ACIN1: variants seen among roughly 807,000 people sequenced by gnomAD.
The protein encoded by ACIN1 is apoptotic chromatin condensation inducer 1, also known as apoptotic chromatin condensation inducer in the nucleus.
A neutral mutation model predicts 146.6 loss-of-function variants in ACIN1; 16 were observed. The ratio of observed to expected loss-of-function variants is 0.11; its 90% CI spans 0.07 to 0.17. ACIN1 has a LOEUF of 0.17. ACIN1 is among the 10% of genes least tolerant of loss of function. ACIN1 has a pLI of 1.00. For missense variants in ACIN1, 1,357 were observed against 1,609.3 expected, an observed-to-expected ratio of 0.84 and a Z score of 2.68; for synonymous variants, 569 against 582.7, an observed-to-expected ratio of 0.98 and a Z score of 0.34.
chr14:23,071,700 G>T, intron 8 of ACIN1: 1 of 782,276 alleles, frequency 1.3e-6, no homozygotes, highest in Non-Finnish European at 1.9e-6. Context: ...TGGCTCCAGA[G>T]GCCTGGCCTT....
chr14:23,060,790 C>T (rs151041501), intron 18 of ACIN1, among the ~76,000 whole-genome samples: 3 of 152,336 alleles, frequency 2.0e-5, no homozygotes, highest in African/African-American at 7.2e-5. Context: ...GCATTAGAGG[C>T]GTGAGCCACC....
At position 23,079,626 on chromosome 14, in the gene ACIN1, T is replaced by C. The variant is rs1358945505; in HGVS notation, c.1709A>G (p.Lys570Arg). Residue 570 changes from lysine to arginine, a missense_variant, in exon 6 of 19, where the codon AAG (lysine) becomes AGG (arginine). By Grantham distance (26) the Lys-to-Arg change is conservative (BLOSUM62 2). This residue lies in a region of ACIN1 where 771 missense variants were observed against 746.6 expected (regional missense o/e 1.03). Coordinates refer to ENST00000605057, the MANE Select transcript of ACIN1 (RefSeq NM_001386863.1). ...CTCTGATGTTGATCTGGAGCCCATC[T>C]TGGGTCTACCACGAGGGTTGGCATG... ...RTHANPRGRP[K>R]MGSRSTSESR... is the part of the protein sequence containing the mutation. 4 of 1,614,046 alleles carry C rather than the reference T, an allele frequency of 2.5e-6. No homozygotes were observed. Among genetic ancestry groups the C allele is most frequent in the Non-Finnish European group, 3.4e-6 (4 of 1,180,028 alleles).
intron 8 of ACIN1, chr14:23,071,442 C>T (rs567120228): frequency 2.9e-5 from 45 of 1,551,642 alleles, no homozygotes; most frequent in Non-Finnish European, 3.7e-5. Flanking sequence ...ACCCCGAGTT[C>T]GGCTGGATTG....
chr14:23,094,377 C>A (rs2048311518), intron 1 of ACIN1: 1 of 658,088 alleles, frequency 1.5e-6, no homozygotes, highest in Admixed American at 6.3e-5. Flanking sequence ...ACCTGCCTCG[C>A]CTCTCTCACC....
In ACIN1 at chr14:23,067,405, C is replaced by CCG; in HGVS notation, c.2266-1398_2266-1397insCG. ...CAGAATGAGCCCTCCCTGCTAGGCG[C>CCG]TGTGCAATTGGTGGGGGGTTGGGTT... On this transcript the variant is annotated intron_variant, in intron 9 of 18. Transcript: ENST00000605057. The surrounding 1 kb of genome is among the most constrained non-coding windows in gnomAD (Gnocchi z 4.6). 1.0e-6 allele frequency: 1 copy of CCG among 983,936 alleles called. No homozygotes were observed. 61.0% of individuals were successfully genotyped at this position (983,936 alleles called of 1,614,324 possible). A position where few individuals can be genotyped will look rare whatever the true frequency, so the allele number is the denominator to read the frequency against.
At chr14:23,082,376 C>CAACTG (rs1193876986) in intron 4 of ACIN1, among the ~76,000 whole-genome samples, 1 of 151,526 alleles carries the variant, frequency 6.6e-6, no homozygotes, top group Non-Finnish European at 1.5e-5. Context: ...TACTTCAAGC[C>CAACTG]AACTGGATGG....
chr14:23,081,962 G>A lies in ACIN1; in HGVS notation c.437-126C>T, dbSNP rs112967211. 188 of 669,266 alleles carry A rather than the reference G, an allele frequency of 2.8e-4. 3 individuals carry two copies. The highest frequency in any genetic ancestry group is 1.9e-3 in the African/African-American group (106 of 54,706). The allele number at this position is 669,266 out of a possible 1,614,324, so 41.5% of individuals were successfully genotyped here. A position where few individuals can be genotyped will look rare whatever the true frequency, so the allele number is the denominator to read the frequency against. On this transcript the variant is annotated intron_variant, in intron 4 of 18. Coordinates refer to ENST00000605057, the MANE Select transcript of ACIN1 (RefSeq NM_001386863.1). ...GAGCCTATCAAGACATATCTGTATC[G>A]GTTTCTTTGACTTCTACACTAAAGA...
At chr14:23,088,701 T>C (rs967060449) in intron 4 of ACIN1, among the ~76,000 whole-genome samples, 2 of 152,264 alleles carry the variant, frequency 1.3e-5, no homozygotes, top group Admixed American at 6.5e-5. Flanking sequence ...TGGTTTAACA[T>C]ATGTACTAAC....
At chr14:23,064,573 C>G in intron 10 of ACIN1, 85 bp from the exon 11 acceptor site, 2 of 1,530,182 alleles carry the variant, frequency 1.3e-6, no homozygotes, top group South Asian at 2.4e-5. Context: ...TTACCTCTGG[C>G]TGGAGTTTTG....
At position 23,093,499 on chromosome 14, in the gene ACIN1, C is replaced by A; in HGVS notation, c.184G>T (p.Ala62Ser). ...CTCACCTGGGAATTTGGCTGGAATGCAGCATGGGGTGTTGAGTGTTTCTGT... is the reference window on the plus strand; with the variant it reads ...CTCACCTGGGAATTTGGCTGGAATGAAGCATGGGGTGTTGAGTGTTTCTGT... Reference protein sequence around the residue: ...NLQKHSTPHAAFQPNSQIGEE... With the variant: ...NLQKHSTPHASFQPNSQIGEE... Residue 62 changes from alanine (A) to serine (S), a missense_variant, in exon 2 of 19, where the codon GCA becomes TCA. This residue lies in a region of ACIN1 where 55 missense variants were observed against 123.9 expected (regional missense o/e 0.44). Coordinates refer to ENST00000605057, the MANE Select transcript of ACIN1 (RefSeq NM_001386863.1). 6.2e-7 allele frequency: 1 copy of A among 1,613,970 alleles called. No individual in the cohort carries two copies. The highest frequency in any genetic ancestry group is 8.5e-7 in the Non-Finnish European group (1 of 1,179,950).
upstream of ACIN1, chr14:23,095,243 C>G (rs374971157): frequency 6.8e-6 from 11 of 1,608,838 alleles, no homozygotes; most frequent in Non-Finnish European, 9.4e-6. Context: ...ACTCAGAACT[C>G]CCCGGGTTCC....
chr14:23,071,306 G>A, intron 8 of ACIN1: 3 of 1,506,298 alleles, frequency 2.0e-6, no homozygotes, highest in Non-Finnish European at 2.7e-6. Flanking sequence ...CCGATCCAGA[G>A]AGAGAAAATT....
At chr14:23,090,741 A>G (rs79721426) in intron 2 of ACIN1, 108 bp from the exon 3 acceptor site, 40,053 of 757,140 alleles carry the variant, frequency 0.053, 1,254 homozygotes, top group East Asian at 0.11. Context: ...CGCCCAAGAA[A>G]GATAACTAAA....
chr14:23,081,691 G>C, intron 5 of ACIN1, 57 bp downstream of exon 5: 1 of 1,419,578 alleles, frequency 7.0e-7, no homozygotes, highest in Non-Finnish European at 9.7e-7. Context: ...GTCTGAAGAA[G>C]AGAAGATATC....
intron 9 of ACIN1, among the ~76,000 whole-genome samples, chr14:23,066,774 C>T (rs1266835562): frequency 6.6e-6 from 1 of 152,358 alleles, no homozygotes; most frequent in Middle Eastern, 3.4e-3. Context: ...ACTGTTTCCT[C>T]TCCAACCAGG....
Position 23,080,641 on chromosome 14 carries a change from C to G in ACIN1, c.694G>C (p.Asp232His), listed in dbSNP as rs138922311. ...GCCTCCCTAGATTTTTGTCCCTCAT[C>G]ATCACCTTCCTCTTCTTCATCATCT... ...EEDDEEEEGD[D>H]EGQKSREAPI... Residue 232 changes from aspartate (D) to histidine (H), a missense_variant, in exon 6 of 19, where the codon GAT (aspartate) becomes CAT (histidine). Around this residue, in one of 4 missense-constraint regions of ACIN1, gnomAD observed 771 missense variants for 746.6 expected, o/e 1.03. Coordinates refer to ENST00000605057, the MANE Select transcript of ACIN1 (RefSeq NM_001386863.1). The G allele has an allele frequency of 6.2e-7, 1 of 1,613,930 alleles. No individual in the cohort carries two copies. Among genetic ancestry groups the G allele is most frequent in the Non-Finnish European group, 8.5e-7 (1 of 1,179,982 alleles).
chr14:23,064,443 C>A lies in ACIN1; in HGVS notation c.2354G>T (p.Gly785Val). 1.2e-6 allele frequency: 2 copies of A among 1,614,250 alleles called. No individual in the cohort carries two copies. Among genetic ancestry groups the A allele is most frequent in the Non-Finnish European group, 1.7e-6 (2 of 1,180,046 alleles). Residue 785 changes from glycine to valine, a missense_variant, in exon 11 of 19, where the codon GGC becomes GTC. Coordinates refer to ENST00000605057, the MANE Select transcript of ACIN1 (RefSeq NM_001386863.1). Reference protein sequence around the residue: ...VPAGNSDTEGGQPGRKRRWGA... With the variant: ...VPAGNSDTEGVQPGRKRRWGA... ...CCAGCGTCGTTTCCGACCAGGCTGG[C>A]CCCCCTCTGTGTCACTGTTTCCAGC... is the stretch of plus-strand genomic sequence containing the variant.
At position 23,062,083 on chromosome 14, in the gene ACIN1, C is replaced by T. The variant is rs1327547649; in HGVS notation, c.3099+85G>A. ...GAAAAGAACAGAAGCTCAGAGACTG[C>T]AGGTCTGGCAAGGATCTCAGCTGAA... On this transcript the variant is annotated intron_variant, in intron 16 of 18. Transcript: ENST00000605057. The T allele has an allele frequency of 4.6e-6, 5 of 1,083,996 alleles. No homozygotes were observed. In the Admixed American group the frequency reaches 9.0e-5, roughly 20 times the overall value. 67.1% of individuals were successfully genotyped at this position (1,083,996 alleles called of 1,614,324 possible).
intron 4 of ACIN1, among the ~76,000 whole-genome samples, chr14:23,088,864 G>A (rs889391145): frequency 7.2e-5 from 11 of 152,142 alleles, no homozygotes; most frequent in African/African-American, 2.7e-4. Context: ...GCTCTGATGA[G>A]CATTTCCTTT....
Sources: allele counts gnomAD v4.1 joint callset (sites outside exome capture counted in the v4.1 genomes callset), GRCh38; gene constraint gnomAD v4.1.1; regional missense constraint gnomAD v4.1.1; non-coding constraint Gnocchi (gnomAD v3.1); transcripts MANE v1.5; gene names NCBI Gene and HGNC (gene_info 2026-07-23, HGNC 2026-07-21).